FAM118A: variants seen among roughly 807,000 people sequenced by gnomAD.
The protein encoded by FAM118A is protein FAM118A.
In FAM118A, 25 loss-of-function variants were observed where a neutral mutation model predicts 38.2. That is an observed-to-expected ratio of 0.65 (90% CI 0.48 to 0.91). FAM118A has a LOEUF of 0.91. FAM118A is among the 40% of genes least tolerant of loss of function. The pLI, the probability that FAM118A is intolerant of heterozygous loss-of-function variation, is 0.00. For missense variants in FAM118A, 425 were observed against 463.3 expected (o/e 0.92, Z 0.76); for synonymous variants, 178 against 184.1 (o/e 0.97, Z 0.27).
chr22:45,332,506 GCC>G lies in FAM118A; in HGVS notation c.735_736del (p.Phe247SerfsTer7), dbSNP rs761538189. 6.2e-7 allele frequency: 1 copy of G among 1,614,128 alleles called. No individual in the cohort carries two copies. The highest frequency in any genetic ancestry group is 8.5e-7 in the Non-Finnish European group (1 of 1,180,032). ...GACCCTTCGTGATCAGATATTCCAG[GCC>G]CTCTTTCTTTACTCCGTGCCGAATA... ...GETLRDQIFQ[A>X]LFLYSVPNKV... On this transcript the variant is annotated frameshift_variant, in exon 6 of 9. Transcript: ENST00000441876. LOFTEE classifies it high-confidence loss of function.
chr22:45,313,934 C>T (rs985087757), intron 1 of FAM118A, among the ~76,000 whole-genome samples: 2 of 152,156 alleles, frequency 1.3e-5, no homozygotes, highest in African/African-American at 4.8e-5. Flanking sequence ...GTAGGAAGCA[C>T]ACTGTTCCAG....
At chr22:45,324,908 G>A (rs773663179) in intron 3 of FAM118A, among the ~76,000 whole-genome samples, 9 of 152,322 alleles carry the variant, frequency 5.9e-5, no homozygotes, top group South Asian at 2.1e-4. Flanking sequence ...TTAACCTGGC[G>A]TGGTGGCAGG....
chr22:45,311,778 T>C (rs1389276737), intron 1 of FAM118A, among the ~76,000 whole-genome samples: 4 of 151,976 alleles, frequency 2.6e-5, no homozygotes, highest in African/African-American at 9.7e-5. Context: ...AAGGCGGTGG[T>C]AGTGGGGGAC....
intron 2 of FAM118A, 141 bp from the exon 3 acceptor site, chr22:45,323,034 G>T: frequency 1.2e-6 from 1 of 812,386 alleles, no homozygotes; most frequent in Non-Finnish European, 1.8e-6. Flanking sequence ...CACAGCGTCA[G>T]AGGGGACTGT....
chr22:45,313,099 T>C (rs1246383050), intron 1 of FAM118A, among the ~76,000 whole-genome samples: 1 of 152,118 alleles, frequency 6.6e-6, no homozygotes, highest in Admixed American at 6.5e-5. Context: ...CTCATTAGCA[T>C]ACAAAATGAC....
chr22:45,315,393 T>G lies in FAM118A; in HGVS notation c.-10+5210T>G, dbSNP rs1268651103. On this transcript the variant is annotated intron_variant, in intron 1 of 8. Transcript: ENST00000441876. Reference sequence around the variant, plus strand: ...AACTCATCCTGAAGATCCCTTATTATTAGTAATGGCTGAGATTAAGTTTTA... The same window carrying G: ...AACTCATCCTGAAGATCCCTTATTAGTAGTAATGGCTGAGATTAAGTTTTA... 2.6e-5 allele frequency among the ~76,000 whole-genome samples: 4 copies of G among 152,374 alleles called. No individual in the cohort carries two copies. The East Asian group carries it at 7.7e-4, about 29-fold the overall frequency.
intron 1 of FAM118A, among the ~76,000 whole-genome samples, chr22:45,311,367 C>T (rs1249519191): frequency 6.6e-6 from 1 of 152,122 alleles, no homozygotes; most frequent in South Asian, 2.1e-4. Context: ...CTCCCGGAGG[C>T]CCACCGTGCC....
Position 45,332,451 on chromosome 22 carries a change from C to G in FAM118A, c.678C>G (p.Thr226=), listed in dbSNP as rs763670872. The G allele has an allele frequency of 3.7e-6, 6 of 1,613,856 alleles. No homozygotes were observed. In the South Asian group the frequency reaches 5.5e-5, roughly 15 times the overall value. ...AAGTCCTCCAGAACTTATACCGCAC[C>G]AAGTCCTTTCTGTTTGTGGGCTGTG... ...VMEVLQNLYR[T]KSFLFVGCGE... is the part of the protein sequence containing the mutation. The change falls in exon 6 of 9, where the codon ACC becomes ACG. Residue 226 remains threonine (T), a synonymous_variant. Coordinates refer to ENST00000441876, the MANE Select transcript of FAM118A (RefSeq NM_017911.4).
chr22:45,313,860 AT>A (rs1296904852), intron 1 of FAM118A, among the ~76,000 whole-genome samples: 1 of 152,194 alleles, frequency 6.6e-6, no homozygotes, highest in African/African-American at 2.4e-5. Context: ...CAGCTGTTTA[AT>A]TTTATTTAGC....
intron 3 of FAM118A, among the ~76,000 whole-genome samples, chr22:45,326,824 CAA>C (rs36188767): frequency 2.5e-5 from 1 of 40,462 alleles, no homozygotes; most frequent in Non-Finnish European, 4.8e-5. Context: ...GACTCTGTCT[CAA>C]AAAAAAAAAA....
intron 3 of FAM118A, among the ~76,000 whole-genome samples, chr22:45,324,386 G>A (rs373131672): frequency 6.6e-6 from 1 of 152,214 alleles, no homozygotes; most frequent in African/African-American, 2.4e-5. Context: ...TGCGCGGGGA[G>A]TGCGTGGAGG....
chr22:45,340,621 T>G lies in FAM118A; in HGVS notation c.*216T>G, dbSNP rs1459348487. 1 of 595,588 alleles carries G rather than the reference T, an allele frequency of 1.7e-6. No individual in the cohort carries two copies. Among genetic ancestry groups the G allele is most frequent in the Non-Finnish European group, 3.0e-6 (1 of 334,832 alleles). The allele number at this position is 595,588 out of a possible 1,614,324, so 36.9% of individuals were successfully genotyped here. A position where few individuals can be genotyped will look rare whatever the true frequency, so the allele number is the denominator to read the frequency against. ...GAGGGTGACGCGGACACATTTCAGG[T>G]GGACTTTGCAAGGACTGATGGATAG... On this transcript the variant is annotated 3_prime_UTR_variant, in exon 9 of 9. Coordinates refer to ENST00000441876, the MANE Select transcript of FAM118A (RefSeq NM_017911.4).
intron 1 of FAM118A, among the ~76,000 whole-genome samples, chr22:45,317,677 C>T (rs9615106): frequency 0.12 from 17,856 of 152,234 alleles, 1,446 homozygotes; most frequent in East Asian, 0.31. Context: ...GCTAGCTCAG[C>T]GCCAGGCCCA....
chr22:45,333,749 G>A (rs971483398), intron 6 of FAM118A, among the ~76,000 whole-genome samples: 4 of 152,158 alleles, frequency 2.6e-5, no homozygotes, highest in African/African-American at 7.2e-5. Flanking sequence ...GCTCAGGTGG[G>A]GGGATTGCTT....
intron 3 of FAM118A, among the ~76,000 whole-genome samples, chr22:45,325,898 C>T (rs1448086366): frequency 1.3e-5 from 2 of 151,938 alleles, no homozygotes; most frequent in Admixed American, 6.6e-5. Flanking sequence ...GGTCTCAGGT[C>T]GGGGAGAAGG....
intron 1 of FAM118A, among the ~76,000 whole-genome samples, chr22:45,312,617 T>C (rs949403946): frequency 1.3e-5 from 2 of 152,204 alleles, no homozygotes; most frequent in African/African-American, 4.8e-5. Context: ...GAGGTTGCAA[T>C]GAGCTGAGAT....
At position 45,332,851 on chromosome 22, in the gene FAM118A, A is replaced by G. The variant is rs534971086; in HGVS notation, c.937+141A>G. On this transcript the variant is annotated intron_variant, in intron 6 of 8. Coordinates refer to ENST00000441876, the MANE Select transcript of FAM118A (RefSeq NM_017911.4). The stretch of plus-strand genomic sequence containing the variant: ...AACCTCCGCCTCCTAGGTTCAAGGG[A>G]TTCTGCCTCAGCCTTCCGAGTAGCT... 2.4e-5 allele frequency: 20 copies of G among 842,972 alleles called. No homozygotes were observed. The African/African-American group carries it at 3.2e-4, about 13-fold the overall frequency. The allele number at this position is 842,972 out of a possible 1,614,324, so 52.2% of individuals were successfully genotyped here. A position where few individuals can be genotyped will look rare whatever the true frequency, so the allele number is the denominator to read the frequency against.
chr22:45,330,755 C>T (rs761012707), intron 5 of FAM118A, 24 bp downstream of exon 5: 27 of 1,507,578 alleles, frequency 1.8e-5, no homozygotes, highest in South Asian at 8.0e-5. Context: ...TAATTAGCAT[C>T]GGTGCGTCCT....
intron 1 of FAM118A, among the ~76,000 whole-genome samples, chr22:45,321,163 CTGGAGTGCAG>C (rs1489738699): frequency 6.6e-6 from 1 of 152,162 alleles, no homozygotes; most frequent in Non-Finnish European, 1.5e-5. Context: ...GTTGCCTAGG[CTGGAGTGCAG>C]TGGCGCGATC....
Sources: allele counts gnomAD v4.1 joint callset (sites outside exome capture counted in the v4.1 genomes callset), GRCh38; gene constraint gnomAD v4.1.1; transcripts MANE v1.5; gene names NCBI Gene and HGNC (gene_info 2026-07-23, HGNC 2026-07-21).